The following CGNL1 variants were observed in gnomAD, a reference collection of about 807,000 sequenced individuals.
The protein encoded by CGNL1 is cingulin-like protein 1.
A neutral mutation model predicts 141.2 loss-of-function variants in CGNL1; 132 were observed. That is an observed-to-expected ratio of 0.93 (90% CI 0.81 to 1.08). The LOEUF (loss-of-function observed/expected upper bound fraction) is 1.08. Ranked by LOEUF, CGNL1 falls within the 50% of genes least tolerant of loss-of-function variation. CGNL1 has a pLI of 0.00. For synonymous variants in CGNL1, 690 were observed against 622.1 expected (o/e 1.11, Z -1.63); for missense variants, 1,870 against 1,588.6 (o/e 1.18, Z -3.01).
intron 1 of CGNL1, among the ~76,000 whole-genome samples, chr15:57,425,507 C>T (rs1426616376): frequency 6.6e-6 from 1 of 152,174 alleles, no homozygotes; most frequent in Non-Finnish European, 1.5e-5. Flanking sequence ...CTTTGGGAGG[C>T]CAAGGTGGGC....
intron 1 of CGNL1, among the ~76,000 whole-genome samples, chr15:57,430,733 T>C (rs1391687839): frequency 6.6e-6 from 1 of 152,082 alleles, no homozygotes; most frequent in Non-Finnish European, 1.5e-5. Context: ...CACATTTTCT[T>C]TTTTGAGATG....
chr15:57,483,027 T>C (rs1158264560), intron 8 of CGNL1, among the ~76,000 whole-genome samples: 2 of 152,290 alleles, frequency 1.3e-5, no homozygotes, highest in East Asian at 3.9e-4. Flanking sequence ...CCTCAGGTGG[T>C]CCGCCCACCG....
rs117622382 is a variant in CGNL1, at chr15:57,482,006, G to A, written c.2403+20114G>A. Among the ~76,000 whole-genome samples the A allele has an allele frequency of 4.6e-3, 702 of 152,174 alleles. 3 individuals carry two copies. Among genetic ancestry groups the A allele is most frequent in the Non-Finnish European group, 6.4e-3 (435 of 68,004 alleles). ...TGTGGTTTTACGCAGTTTTCTAATG[G>A]CCAATCATGTTGAATGTCATTTCAT... On this transcript the variant is annotated intron_variant, in intron 8 of 18. Transcript: ENST00000281282.
chr15:57,471,686 A>G (rs570825576), intron 8 of CGNL1, among the ~76,000 whole-genome samples: 232 of 152,244 alleles, frequency 1.5e-3, no homozygotes, highest in African/African-American at 5.3e-3. Flanking sequence ...CCTGTTTCCC[A>G]CCTGCGATGA....
chr15:57,525,535 G>A (rs1271517021), intron 12 of CGNL1, among the ~76,000 whole-genome samples: 1 of 152,168 alleles, frequency 6.6e-6, no homozygotes, highest in East Asian at 1.9e-4. Context: ...GAGTTAATAT[G>A]TGAGACTGTG....
At chr15:57,500,075 G>A (rs1301639747) in intron 8 of CGNL1, among the ~76,000 whole-genome samples, 1 of 152,158 alleles carries the variant, frequency 6.6e-6, no homozygotes, top group Non-Finnish European at 1.5e-5. Flanking sequence ...TTGCTTTCTA[G>A]CAGTGACTGG....
intron 1 of CGNL1, among the ~76,000 whole-genome samples, chr15:57,381,420 G>T (rs1435311639): frequency 1.3e-5 from 2 of 152,140 alleles, no homozygotes; most frequent in Non-Finnish European, 2.9e-5. Flanking sequence ...AATTAGCCTG[G>T]TGTGGTGGTG....
chr15:57,523,397 T>C, intron 10 of CGNL1, 92 bp from the exon 11 acceptor site: 4 of 1,089,418 alleles, frequency 3.7e-6, no homozygotes, highest in Non-Finnish European at 5.5e-6. Flanking sequence ...TCTGATTGCT[T>C]TGCAGTGTGA....
chr15:57,442,518 T>C, intron 4 of CGNL1, 40 bp downstream of exon 4: 1 of 1,239,686 alleles, frequency 8.1e-7, no homozygotes. Context: ...GCATTTAGCA[T>C]GGAATGTGGT....
intron 1 of CGNL1, among the ~76,000 whole-genome samples, chr15:57,415,233 G>A (rs750738246): frequency 2.6e-5 from 4 of 152,176 alleles, no homozygotes; most frequent in Non-Finnish European, 5.9e-5. Flanking sequence ...TCCTAATCCT[G>A]GAATCTGTGA....
chr15:57,423,055 A>ACCCC (rs2062933734), intron 1 of CGNL1, among the ~76,000 whole-genome samples: 1 of 151,090 alleles, frequency 6.6e-6, no homozygotes, highest in African/African-American at 2.4e-5. Context: ...AGAAGAAGTG[A>ACCCC]CTCTTTTTGT....
chr15:57,403,667 A>T (rs1474448135), intron 1 of CGNL1, among the ~76,000 whole-genome samples: 4 of 152,208 alleles, frequency 2.6e-5, no homozygotes, highest in Admixed American at 2.6e-4. Context: ...AATTAGAAAA[A>T]TACTTACTCT....
In CGNL1 at chr15:57,437,186, G is replaced by A. The variant is rs1398814300; in HGVS notation, c.-15-799G>A. Among the ~76,000 whole-genome samples the A allele has an allele frequency of 2.1e-4, 32 of 151,086 alleles. 1 individual carries two copies. Among genetic ancestry groups the A allele is most frequent in the Admixed American group, 1.3e-3 (20 of 15,200 alleles). On this transcript the variant is annotated intron_variant, in intron 1 of 18. Transcript: ENST00000281282. ...GTTGGCCACACACCAGAAAGGCAAC[G>A]GCAACTATTCTTGGCATCAGGACCC...
rs371292908 is a variant in CGNL1, at chr15:57,440,456, A to G, written c.1682A>G (p.Asn561Ser). 9.0e-5 allele frequency: 143 copies of G among 1,589,740 alleles called. 2 individuals are homozygous for G. In the Middle Eastern group the frequency reaches 1.0e-3, roughly 11 times the overall value. The change falls in exon 3 of 19, where the codon AAT becomes AGT. Residue 561 changes from asparagine (N) to serine (S), a missense_variant. Coordinates refer to ENST00000281282, the MANE Select transcript of CGNL1 (RefSeq NM_032866.5). ...GAGACAGCTAAGCAGATTCTCTACA[A>G]TTACCTCAAAGAAGGGTTAGTGATT... ...NEETAKQILYNYLKEGSTDND... is the reference protein window; with the variant it reads ...NEETAKQILYSYLKEGSTDND...
rs1411272668 is a variant in CGNL1 at position 57,545,679 on chromosome 15, A to C, written c.3588A>C (p.Ser1196=). 1.2e-6 allele frequency: 2 copies of C among 1,613,192 alleles called. No individual in the cohort carries two copies. The highest frequency in any genetic ancestry group is 1.7e-6 in the Non-Finnish European group (2 of 1,179,614). ...TGCAGGTGGATGATGAGCACCTGTC[A>C]TTGACTGATCAGAAGGACCAGGTGG... ...LVMQVDDEHL[S]LTDQKDQLSL... is the part of the protein sequence containing the mutation. The change falls in exon 17 of 19, where the codon TCA becomes TCC. Residue 1196 remains serine (S), a synonymous_variant. Coordinates refer to ENST00000281282, the MANE Select transcript of CGNL1 (RefSeq NM_032866.5).
chr15:57,495,011 A>G (rs907554909), intron 8 of CGNL1, among the ~76,000 whole-genome samples: 9 of 151,990 alleles, frequency 5.9e-5, no homozygotes, highest in African/African-American at 1.9e-4. Context: ...TGTTTTCATC[A>G]CCTCTACTGG....
At chr15:57,424,292 G>A (rs1192520873) in intron 1 of CGNL1, among the ~76,000 whole-genome samples, 2 of 152,096 alleles carry the variant, frequency 1.3e-5, no homozygotes, top group African/African-American at 4.8e-5. Context: ...TCCCTTCCCA[G>A]CGAGGGCTTC....
intron 14 of CGNL1, among the ~76,000 whole-genome samples, chr15:57,540,563 C>T (rs1178864045): frequency 2.6e-5 from 4 of 152,166 alleles, no homozygotes; most frequent in Admixed American, 1.3e-4. Context: ...CTCAGGCAAA[C>T]CATATTACCC....
chr15:57,497,928 A>G (rs1041771623), intron 8 of CGNL1, among the ~76,000 whole-genome samples: 6 of 152,218 alleles, frequency 3.9e-5, no homozygotes, highest in Non-Finnish European at 5.9e-5. Context: ...AAGAGTGTGA[A>G]AGACATTCTC....
Sources: allele counts gnomAD v4.1 joint callset (sites outside exome capture counted in the v4.1 genomes callset), GRCh38; gene constraint gnomAD v4.1.1; transcripts MANE v1.5; gene names NCBI Gene and HGNC (gene_info 2026-07-23, HGNC 2026-07-21).